RUNX1: variants seen among roughly 807,000 people sequenced by gnomAD.
The protein encoded by RUNX1 is runt-related transcription factor 1.
RUNX1 carries 19 observed loss-of-function variants against 42.8 expected under a neutral mutation model. The observed-to-expected ratio is 0.44, with a 90% CI of 0.31 to 0.65. The LOEUF (loss-of-function observed/expected upper bound fraction) is 0.65, where lower values mean the gene tolerates loss of function less well. Among genes scored for constraint, RUNX1 ranks in the 30% least tolerant of loss-of-function variants. The pLI is 0.07. For missense variants in RUNX1, 528 were observed against 672.0 expected (o/e 0.79, Z 2.37); for synonymous variants, 271 against 289.4 (o/e 0.94, Z 0.64).
intron 7 of RUNX1, among the ~76,000 whole-genome samples, chr21:34,826,603 ATT>A (rs369414974): frequency 7.0e-6 from 1 of 143,130 alleles, no homozygotes; most frequent in East Asian, 2.0e-4. Flanking sequence ...TGCCCAGCTA[ATT>A]TTTTTTTTTT....
intron 2 of RUNX1, among the ~76,000 whole-genome samples, chr21:34,994,858 G>C (rs926115419): frequency 6.6e-6 from 1 of 152,132 alleles, no homozygotes; most frequent in Non-Finnish European, 1.5e-5. Context: ...GCCTAATACT[G>C]ACTGGGCACT....
At chr21:34,864,165 G>A (rs972246631) in intron 5 of RUNX1, among the ~76,000 whole-genome samples, 9 of 152,202 alleles carry the variant, frequency 5.9e-5, no homozygotes, top group African/African-American at 1.4e-4. Context: ...ACCCCATGGC[G>A]GCTGGGACAC....
intron 2 of RUNX1, among the ~76,000 whole-genome samples, chr21:34,996,221 C>G (rs529133369): frequency 6.6e-6 from 1 of 152,202 alleles, no homozygotes; most frequent in East Asian, 1.9e-4. Flanking sequence ...CTGCCTAAAC[C>G]AGGCTTGAGT....
At chr21:34,926,034 C>G (rs961193815) in intron 2 of RUNX1, among the ~76,000 whole-genome samples, 1 of 151,968 alleles carries the variant, frequency 6.6e-6, no homozygotes, top group Non-Finnish European at 1.5e-5. Flanking sequence ...AGAACATATA[C>G]ACAATTGTTA....
intron 2 of RUNX1, among the ~76,000 whole-genome samples, chr21:35,028,485 T>C (rs1306173269): frequency 6.6e-6 from 1 of 152,212 alleles, no homozygotes; most frequent in Non-Finnish European, 1.5e-5. Context: ...CTCCTCTGTC[T>C]TTCCCCAGCC....
rs2057275812 is a variant in RUNX1, at chr21:34,843,679, G to GCCCCCCCCCC, written c.614-9079_614-9078insGGGGGGGGGG. On this transcript the variant is annotated intron_variant, in intron 6 of 8. Transcript: ENST00000675419. This position sits in a 1 kb window ranked among gnomAD's most constrained non-coding sequence, Gnocchi z 4.8. Reference sequence around the variant, plus strand: ...ACGCACACAGGCCTGCCCCTCCCCAGCCCCCCTGCACCATGCGCCCAAGAC... The same window carrying GCCCCCCCCCC: ...ACGCACACAGGCCTGCCCCTCCCCAGCCCCCCCCCCCCCCCCTGCACCATGCGCCCAAGAC... Among the ~76,000 whole-genome samples the GCCCCCCCCCC allele has an allele frequency of 1.3e-5, 2 of 151,034 alleles. No individual in the cohort carries two copies. The highest frequency in any genetic ancestry group is 6.6e-5 in the Admixed American group (1 of 15,130).
rs1301204272 is a variant in RUNX1, at chr21:34,843,907, C to A, written c.614-9306G>T. Reference sequence around the variant, plus strand: ...CTAAGGAGGTAACTTGAGCTCAGGGCAGAGAAGCCACCTGCTGGCTTTTGC... The same window carrying A: ...CTAAGGAGGTAACTTGAGCTCAGGGAAGAGAAGCCACCTGCTGGCTTTTGC... On this transcript the variant is annotated intron_variant, in intron 6 of 8. Transcript: ENST00000675419. This position sits in a 1 kb window ranked among gnomAD's most constrained non-coding sequence, Gnocchi z 4.8. 2.0e-5 allele frequency among the ~76,000 whole-genome samples: 3 copies of A among 152,214 alleles called. No individual in the cohort carries two copies. The highest frequency in any genetic ancestry group is 2.9e-5 in the Non-Finnish European group (2 of 68,038).
At chr21:34,905,152 C>A (rs2058208299) in intron 2 of RUNX1, among the ~76,000 whole-genome samples, 1 of 152,218 alleles carries the variant, frequency 6.6e-6, no homozygotes, top group Non-Finnish European at 1.5e-5. Flanking sequence ...CGCACGCCCC[C>A]TTCTCCCAAT....
rs2058229992 is a variant in RUNX1, at chr21:34,907,342, G to A, written c.59-14379C>T. 6.6e-6 allele frequency among the ~76,000 whole-genome samples: 1 copy of A among 152,104 alleles called. No individual in the cohort carries two copies. Among genetic ancestry groups the A allele is most frequent in the Admixed American group, 6.5e-5 (1 of 15,276 alleles). Reference sequence around the variant, plus strand: ...AACAATAGGTTGTGACCCATAGATTGGTTGTTAATAATAATAATAACAAAA... The same window carrying A: ...AACAATAGGTTGTGACCCATAGATTAGTTGTTAATAATAATAATAACAAAA... On this transcript the variant is annotated intron_variant, in intron 2 of 8. Coordinates refer to ENST00000675419, the MANE Select transcript of RUNX1 (RefSeq NM_001754.5). This position sits in a 1 kb window ranked among gnomAD's most constrained non-coding sequence, Gnocchi z 5.3.
intron 2 of RUNX1, among the ~76,000 whole-genome samples, chr21:34,937,625 G>A (rs1354719552): frequency 6.6e-6 from 1 of 151,458 alleles, no homozygotes; most frequent in Non-Finnish European, 1.5e-5. Flanking sequence ...GGATCAGAAA[G>A]TTTTTTGAGG....
chr21:34,871,885 C>T (rs1440379932), intron 5 of RUNX1, among the ~76,000 whole-genome samples: 1 of 151,498 alleles, frequency 6.6e-6, no homozygotes, highest in Non-Finnish European at 1.5e-5. Flanking sequence ...GCTCTGTCAC[C>T]CAGGCTGGAG....
At chr21:34,823,048 T>TGA (rs774769518) in intron 7 of RUNX1, among the ~76,000 whole-genome samples, 9 of 152,218 alleles carry the variant, frequency 5.9e-5, no homozygotes, top group Non-Finnish European at 1.3e-4. Flanking sequence ...GGCTTTAGAA[T>TGA]GACTCAGGTT....
chr21:34,929,297 G>A (rs1283316087), intron 2 of RUNX1, among the ~76,000 whole-genome samples: 2 of 152,110 alleles, frequency 1.3e-5, no homozygotes, highest in African/African-American at 2.4e-5. Context: ...CCACTGTAAG[G>A]AAAAACACAA....
intron 2 of RUNX1, among the ~76,000 whole-genome samples, chr21:35,004,786 C>A (rs2059071840): frequency 6.6e-6 from 1 of 152,188 alleles, no homozygotes; most frequent in South Asian, 2.1e-4. Flanking sequence ...TAAGTTCAGA[C>A]CTTCCCTTGT....
intron 2 of RUNX1, among the ~76,000 whole-genome samples, chr21:34,896,694 A>AG (rs1324755542): frequency 6.6e-6 from 1 of 151,980 alleles, no homozygotes; most frequent in Non-Finnish European, 1.5e-5. Context: ...TAAAAAGAAA[A>AG]GAAAAGAATA....
intron 2 of RUNX1, among the ~76,000 whole-genome samples, chr21:35,037,672 C>A (rs2059319046): frequency 6.6e-6 from 1 of 152,208 alleles, no homozygotes; most frequent in Non-Finnish European, 1.5e-5. Flanking sequence ...GGTCACGTAA[C>A]CTTGGCAGGC....
intron 7 of RUNX1, among the ~76,000 whole-genome samples, chr21:34,800,793 T>C (rs2056597463): frequency 6.6e-6 from 1 of 152,166 alleles, no homozygotes; most frequent in Non-Finnish European, 1.5e-5. Context: ...CTTTCTTTTT[T>C]GTGTGTGAGT....
chr21:35,038,802 T>G (rs576353278), intron 2 of RUNX1: 9 of 453,220 alleles, frequency 2.0e-5, no homozygotes, highest in Middle Eastern at 3.3e-4. Flanking sequence ...CAGGGCTCCT[T>G]CCAGAGCTGA....
At chr21:34,885,631 C>A (rs1275779073) in intron 4 of RUNX1, among the ~76,000 whole-genome samples, 5 of 152,102 alleles carry the variant, frequency 3.3e-5, no homozygotes, top group Admixed American at 2.6e-4. Context: ...ATAACCGCAA[C>A]AATACTTTTT....
Sources: allele counts gnomAD v4.1 joint callset (sites outside exome capture counted in the v4.1 genomes callset), GRCh38; gene constraint gnomAD v4.1.1; non-coding constraint Gnocchi (gnomAD v3.1); transcripts MANE v1.5; gene names NCBI Gene and HGNC (gene_info 2026-07-23, HGNC 2026-07-21).